The following TMEM154 variants were observed in gnomAD, a reference collection of about 807,000 sequenced individuals.
TMEM154 encodes the protein transmembrane protein 154.
TMEM154 carries 27 observed loss-of-function variants against 24.5 expected under a neutral mutation model. That is an observed-to-expected ratio of 1.10 (90% CI 0.81 to 1.52). The LOEUF is 1.52. Ranked by LOEUF, TMEM154 falls within the 40% of genes most tolerant of loss-of-function variation. The probability of loss-of-function intolerance (pLI) is 0.00; values close to 1 mark genes in which losing one functional copy is unlikely to be tolerated. For missense variants in TMEM154, 228 were observed against 213.4 expected (o/e 1.07, Z -0.43); for synonymous variants, 67 against 76.8 (o/e 0.87, Z 0.67).
chr4:152,640,869 T>C lies in TMEM154; in HGVS notation c.536+59A>G, dbSNP rs1752243049. Reference sequence around the variant, plus strand: ...GTAAGCAAAAAGTGTTCCACCCTGGTTCCCAATCCCCCCGCCCCCCGCCAT... The same window carrying C: ...GTAAGCAAAAAGTGTTCCACCCTGGCTCCCAATCCCCCCGCCCCCCGCCAT... On this transcript the variant is annotated intron_variant, in intron 6 of 6. Transcript: ENST00000304385. 5.7e-6 allele frequency: 8 copies of C among 1,395,004 alleles called. 1 individual carries two copies. In the South Asian group the frequency reaches 8.2e-5, roughly 14 times the overall value. The allele number at this position is 1,395,004 out of a possible 1,614,324, so 86.4% of individuals were successfully genotyped here. A position where few individuals can be genotyped will look rare whatever the true frequency, so the allele number is the denominator to read the frequency against.
At chr4:152,630,000 T>C (rs1752003598) in intron 6 of TMEM154, among the ~76,000 whole-genome samples, 1 of 152,096 alleles carries the variant, frequency 6.6e-6, no homozygotes, top group Non-Finnish European at 1.5e-5. Context: ...GAATTTTATC[T>C]GAGGCAGGGA....
chr4:152,652,448 T>C (rs552916308), intron 3 of TMEM154, 90 bp downstream of exon 3: 2 of 1,571,208 alleles, frequency 1.3e-6, no homozygotes, highest in East Asian at 2.3e-5. Context: ...CTTACTATTA[T>C]ATGTAGTCCT....
chr4:152,675,198 G>A (rs1447939248), intron 1 of TMEM154, among the ~76,000 whole-genome samples: 1 of 146,376 alleles, frequency 6.8e-6, no homozygotes, highest in Non-Finnish European at 1.5e-5. Context: ...CAACAGATAT[G>A]ACAAGCGGCA....
intron 1 of TMEM154, among the ~76,000 whole-genome samples, chr4:152,654,072 A>C (rs1728443738): frequency 1.3e-5 from 2 of 152,094 alleles, no homozygotes; most frequent in African/African-American, 4.8e-5. Flanking sequence ...AGAAAAGGAA[A>C]ATAAAAACCA....
chr4:152,643,434 C>T (rs1211056834), intron 4 of TMEM154, among the ~76,000 whole-genome samples: 1 of 152,318 alleles, frequency 6.6e-6, no homozygotes, highest in Non-Finnish European at 1.5e-5. Flanking sequence ...AAAGGGAACC[C>T]AGGAGGCTGA....
rs1293156953 is a variant in TMEM154, at chr4:152,619,672, T to TA, written c.*8873dup. The stretch of plus-strand genomic sequence containing the variant: ...ATGCTGTGAAGAAGCCCAAGGAGTC[T>TA]ATGGAGAGGCCCACATCATAAAAGC... On this transcript the variant is annotated 3_prime_UTR_variant, in exon 7 of 7. Transcript: ENST00000304385. The TA allele has an allele frequency of 6.6e-6, 1 of 152,202 alleles. No homozygotes were observed. Among genetic ancestry groups the TA allele is most frequent in the African/African-American group, 2.4e-5 (1 of 41,452 alleles). The allele number at this position is 152,202 out of a possible 1,614,324, so 9.4% of individuals were successfully genotyped here.
intron 1 of TMEM154, among the ~76,000 whole-genome samples, chr4:152,656,902 G>A (rs1227181017): frequency 7.9e-5 from 12 of 151,586 alleles, no homozygotes; most frequent in Non-Finnish European, 1.8e-4. Flanking sequence ...GCCATGAGAG[G>A]ATACAGAAAA....
intron 1 of TMEM154, among the ~76,000 whole-genome samples, chr4:152,655,006 T>A (rs1480433852): frequency 6.6e-6 from 1 of 152,004 alleles, no homozygotes; most frequent in Admixed American, 6.6e-5. Flanking sequence ...GTGTTTCTCA[T>A]GTGTATATGC....
intron 3 of TMEM154, chr4:152,647,065 C>T: frequency 1.1e-6 from 1 of 900,088 alleles, no homozygotes; most frequent in Admixed American, 2.0e-5. Context: ...AATGGACAAG[C>T]CCAAAGGAAA....
At chr4:152,639,999 C>T (rs1016700982) in intron 6 of TMEM154, among the ~76,000 whole-genome samples, 17 of 152,002 alleles carry the variant, frequency 1.1e-4, no homozygotes, top group African/African-American at 3.4e-4. Context: ...GAAAAGGGTC[C>T]GAAGATAAAC....
chr4:152,654,419 T>C (rs1196023042), intron 1 of TMEM154, among the ~76,000 whole-genome samples: 2 of 152,246 alleles, frequency 1.3e-5, no homozygotes, highest in Non-Finnish European at 2.9e-5. Flanking sequence ...CAATAGTTCA[T>C]CTATCTTCAT....
chr4:152,660,968 GC>G (rs1330279938), intron 1 of TMEM154, among the ~76,000 whole-genome samples: 1 of 152,152 alleles, frequency 6.6e-6, no homozygotes, highest in African/African-American at 2.4e-5. Flanking sequence ...TTGACCCGTG[GC>G]CCCGGGAAAA....
intron 6 of TMEM154, among the ~76,000 whole-genome samples, chr4:152,629,712 A>G (rs1191811354): frequency 6.6e-6 from 1 of 152,184 alleles, no homozygotes; most frequent in Non-Finnish European, 1.5e-5. Flanking sequence ...ATAGTCTGCA[A>G]TAGGTGATAT....
At chr4:152,656,430 C>T (rs1728493872) in intron 1 of TMEM154, among the ~76,000 whole-genome samples, 2 of 152,128 alleles carry the variant, frequency 1.3e-5, no homozygotes, top group Admixed American at 1.3e-4. Context: ...AGCAATACTT[C>T]ACCACAGCCT....
chr4:152,639,596 C>T (rs71620219), intron 6 of TMEM154, among the ~76,000 whole-genome samples: 3 of 152,138 alleles, frequency 2.0e-5, no homozygotes, highest in South Asian at 4.2e-4. Context: ...CTCCCCCTCT[C>T]TCTCCCTCTC....
intron 1 of TMEM154, among the ~76,000 whole-genome samples, chr4:152,675,144 G>A (rs559556648): frequency 1.8e-5 from 2 of 114,238 alleles, no homozygotes; most frequent in Non-Finnish European, 1.7e-5. Context: ...GCAGCAGAGC[G>A]AGGCTCCATC....
chr4:152,670,730 T>C (rs1320501977), intron 1 of TMEM154, among the ~76,000 whole-genome samples: 1 of 152,260 alleles, frequency 6.6e-6, no homozygotes, highest in Non-Finnish European at 1.5e-5. Context: ...TTTGATTTTA[T>C]TATTTAAATG....
chr4:152,673,420 C>G (rs1728886996), intron 1 of TMEM154, among the ~76,000 whole-genome samples: 2 of 152,166 alleles, frequency 1.3e-5, no homozygotes, highest in Admixed American at 1.3e-4. Context: ...CCTGCCTTAG[C>G]CTCCCGAGTA....
chr4:152,652,877 T>C lies in TMEM154; in HGVS notation c.115A>G (p.Arg39Gly), dbSNP rs1728415171. Residue 39 changes from arginine (R) to glycine (G), a missense_variant, in exon 2 of 7, where the codon AGA becomes GGA. Coordinates refer to ENST00000304385, the MANE Select transcript of TMEM154 (RefSeq NM_152680.3). ...NSGDTTVESERPNKVTIPSTF... is the reference protein window; with the variant it reads ...NSGDTTVESEGPNKVTIPSTF... ...CTTGGAATAGTCACTTTATTTGGTC[T>C]TTCAGATTCCACAGTTGTATCTCCT... is the stretch of plus-strand genomic sequence containing the variant. The C allele has an allele frequency of 6.2e-7, 1 of 1,613,698 alleles. No individual in the cohort carries two copies. Among genetic ancestry groups the C allele is most frequent in the African/African-American group, 1.3e-5 (1 of 75,020 alleles).
Sources: allele counts gnomAD v4.1 joint callset (sites outside exome capture counted in the v4.1 genomes callset), GRCh38; gene constraint gnomAD v4.1.1; transcripts MANE v1.5; gene names NCBI Gene and HGNC (gene_info 2026-07-23, HGNC 2026-07-21).